The following TGS1 variants were observed in gnomAD, a reference collection of about 807,000 sequenced individuals.
The protein encoded by TGS1 is trimethylguanosine synthase 1.
In TGS1, 69 loss-of-function variants were observed where a neutral mutation model predicts 92.2. The ratio of observed to expected loss-of-function variants is 0.75; its 90% CI spans 0.62 to 0.91. The LOEUF (loss-of-function observed/expected upper bound fraction) is 0.91. TGS1 is among the 40% of genes least tolerant of loss of function. TGS1 has a pLI of 0.00. For synonymous variants in TGS1, 345 were observed against 338.1 expected (o/e 1.02, Z -0.22); for missense variants, 1,062 against 1,001.2 (o/e 1.06, Z -0.82).
intron 7 of TGS1, among the ~76,000 whole-genome samples, chr8:55,796,669 CAA>C (rs1385972165): frequency 6.6e-6 from 1 of 150,520 alleles, no homozygotes; most frequent in Non-Finnish European, 1.5e-5. Context: ...ACTTGGGCAA[CAA>C]GAGCAAAACT....
Position 55,795,672 on chromosome 8 carries a change from CGTTT to C in TGS1, c.1368-289_1368-286del, listed in dbSNP as rs201173930. ...TTCCCTAACAAGGGGATAGGGTTTTCGTTTGTTTGTTTGTTTGTTTTACTATTTA... is the reference window on the plus strand; with the variant it reads ...TTCCCTAACAAGGGGATAGGGTTTTCGTTTGTTTGTTTGTTTTACTATTTA... On this transcript the variant is annotated intron_variant, in intron 6 of 12. Transcript: ENST00000260129. Among the ~76,000 whole-genome samples, 189 of 152,096 alleles carry C rather than the reference CGTTT, an allele frequency of 1.2e-3. 2 individuals are homozygous for C. In the Middle Eastern group the frequency reaches 0.017, roughly 14 times the overall value.
intron 10 of TGS1, among the ~76,000 whole-genome samples, chr8:55,805,796 C>T (rs1211844138): frequency 1.3e-5 from 2 of 150,054 alleles, no homozygotes; most frequent in African/African-American, 2.5e-5. Context: ...GCAGGAGACT[C>T]GCTTGAACCT....
rs779878784 is a variant in TGS1 at position 55,786,398 on chromosome 8, G to T, written c.500G>T (p.Arg167Ile). ...PSSIEQYENT[R>I]TYELQSKKDT... Reference sequence around the variant, plus strand: ...TCAATTGAACAGTATGAGAACACCAGAACATATGAACTTCAAAGCAAAAAA... The same window carrying T: ...TCAATTGAACAGTATGAGAACACCATAACATATGAACTTCAAAGCAAAAAA... Residue 167 changes from arginine (R) to isoleucine (I), a missense_variant, in exon 4 of 13, where the codon AGA becomes ATA. Coordinates refer to ENST00000260129, the MANE Select transcript of TGS1 (RefSeq NM_024831.8). 6 of 1,613,494 alleles carry T rather than the reference G, an allele frequency of 3.7e-6. No homozygotes were observed. The highest frequency in any genetic ancestry group is 5.1e-6 in the Non-Finnish European group (6 of 1,179,916).
At chr8:55,775,300 G>A (rs994852305) in intron 1 of TGS1, among the ~76,000 whole-genome samples, 1 of 151,910 alleles carries the variant, frequency 6.6e-6, no homozygotes, top group Non-Finnish European at 1.5e-5. Context: ...AAGAAGATAG[G>A]GTGTGCACAG....
At chr8:55,806,708 ACTGT>A (rs1812383056) in intron 10 of TGS1, among the ~76,000 whole-genome samples, 1 of 152,164 alleles carries the variant, frequency 6.6e-6, no homozygotes, top group Non-Finnish European at 1.5e-5. Flanking sequence ...ATTATGTCTT[ACTGT>A]CTGTGTTTCA....
At chr8:55,787,856 G>GA (rs1434550911) in intron 4 of TGS1, among the ~76,000 whole-genome samples, 1 of 152,256 alleles carries the variant, frequency 6.6e-6, no homozygotes, top group Non-Finnish European at 1.5e-5. Flanking sequence ...GGCAGAAGGT[G>GA]AAAGGGGCAT....
At chr8:55,775,038 C>T (rs7013442) in intron 1 of TGS1, among the ~76,000 whole-genome samples, 128,293 of 152,054 alleles carry the variant, frequency 0.84, 54,468 homozygotes, top group East Asian at 0.99. Flanking sequence ...TCACTTGAGC[C>T]CGGAAGTTGG....
Position 55,825,874 on chromosome 8 carries a change from C to CTT in TGS1, c.*1184_*1185dup, listed in dbSNP as rs566818508. Among the ~76,000 whole-genome samples, 97 of 142,636 alleles carry CTT rather than the reference C, an allele frequency of 6.8e-4. 1 individual carries two copies. The highest frequency in any genetic ancestry group is 2.2e-3 in the African/African-American group (87 of 39,120). 93.6% of individuals were successfully genotyped at this position (142,636 alleles called of 152,430 possible). On this transcript the variant is annotated 3_prime_UTR_variant, in exon 13 of 13. Transcript: ENST00000260129. ...TGGTTTTTAAACTTTATGTAGCATT[C>CTT]TTTTTTTTTTTTTTAGACAGAGTCT...
chr8:55,787,619 C>G (rs1302333691), intron 4 of TGS1, among the ~76,000 whole-genome samples: 2 of 152,184 alleles, frequency 1.3e-5, no homozygotes, highest in Non-Finnish European at 1.5e-5. Flanking sequence ...ATTGTGCAAA[C>G]TGGTGCCACT....
At chr8:55,796,247 T>A in intron 7 of TGS1, 95 bp downstream of exon 7, 1 of 942,158 alleles carries the variant, frequency 1.1e-6, no homozygotes, top group Non-Finnish European at 1.6e-6. Flanking sequence ...AGCTTGTTTC[T>A]ACCAGGTATC....
Position 55,784,137 on chromosome 8 carries a change from A to G in TGS1, c.166+1325A>G, listed in dbSNP as rs111876228. On this transcript the variant is annotated intron_variant, in intron 2 of 12. Transcript: ENST00000260129. ...GACCATCAAGCTGGAGTGCAGCCCA[A>G]TGCTAATTGAGTGTGCTAATACATA... Among the ~76,000 whole-genome samples, 906 of 152,308 alleles carry G rather than the reference A, an allele frequency of 5.9e-3. 4 individuals carry two copies. Among genetic ancestry groups the G allele is most frequent in the African/African-American group, 0.02 (833 of 41,562 alleles).
At chr8:55,779,621 A>G (rs1811503418) in intron 1 of TGS1, among the ~76,000 whole-genome samples, 2 of 152,218 alleles carry the variant, frequency 1.3e-5, no homozygotes, top group African/African-American at 4.8e-5. Context: ...CCACAGTATG[A>G]TCGGGTACTG....
rs1485334587 is a variant in TGS1 at position 55,793,844 on chromosome 8, C to T, written c.1367+1060C>T. Among the ~76,000 whole-genome samples the T allele has an allele frequency of 2.6e-5, 4 of 151,476 alleles. No individual in the cohort carries two copies. In the South Asian group the frequency reaches 6.3e-4, roughly 24 times the overall value. ...TATTGGCCAGGCTGGTCTCAAACTC[C>T]TGACCTCAGGTGATCCGCCCACCTT... On this transcript the variant is annotated intron_variant, in intron 6 of 12. Coordinates refer to ENST00000260129, the MANE Select transcript of TGS1 (RefSeq NM_024831.8).
Position 55,773,607 on chromosome 8 carries a change from C to G in TGS1, c.-12C>G, listed in dbSNP as rs764151794. 4 of 1,606,044 alleles carry G rather than the reference C, an allele frequency of 2.5e-6. No homozygotes were observed. The highest frequency in any genetic ancestry group is 1.7e-5 in the Admixed American group (1 of 58,854). ...GGGCTGCGTACGTCAGAGCTGCCTC[C>G]GAAGTGGTAAAATGTGCTGCGAGAA... On this transcript the variant is annotated 5_prime_UTR_variant, in exon 1 of 13. Transcript: ENST00000260129.
intron 10 of TGS1, among the ~76,000 whole-genome samples, chr8:55,809,618 G>T (rs1451531866): frequency 1.3e-5 from 2 of 152,084 alleles, no homozygotes; most frequent in Admixed American, 6.5e-5. Context: ...CACCCCACCT[G>T]GCTAATTTTT....
At chr8:55,792,647 A>G (rs1411944888) in intron 5 of TGS1, 51 bp from the exon 6 acceptor site, 1 of 1,267,174 alleles carries the variant, frequency 7.9e-7, no homozygotes, top group Middle Eastern at 1.9e-4. Context: ...TATCTGAACT[A>G]GTGGGCTCTG....
chr8:55,792,699 C>T lies in TGS1; in HGVS notation c.1282C>T (p.His428Tyr). The T allele has an allele frequency of 6.2e-7, 1 of 1,611,736 alleles. No homozygotes were observed. The highest frequency in any genetic ancestry group is 8.5e-7 in the Non-Finnish European group (1 of 1,177,986). ...EHKPSKLKRSHELDIDENPAS... is the reference protein window; with the variant it reads ...EHKPSKLKRSYELDIDENPAS... ...ACTGTTTACCTTTTCTTTATTTAGCCATGAACTGGACATTGATGAAAACCC... is the reference window on the plus strand; with the variant it reads ...ACTGTTTACCTTTTCTTTATTTAGCTATGAACTGGACATTGATGAAAACCC... Residue 428 changes from histidine (H) to tyrosine (Y), a missense_variant and splice_region_variant, in exon 6 of 13, where the codon CAT becomes TAT. His to Tyr is a moderately conservative substitution (Grantham distance 83, BLOSUM62 2). Transcript: ENST00000260129.
In TGS1 at chr8:55,786,087, TTAGA is replaced by T. The variant is rs1811700961; in HGVS notation, c.340-147_340-144del. 18 of 690,460 alleles carry T rather than the reference TTAGA, an allele frequency of 2.6e-5. No homozygotes were observed. In the South Asian group the frequency reaches 3.8e-4, roughly 14 times the overall value. The allele number at this position is 690,460 out of a possible 1,614,324, so 42.8% of individuals were successfully genotyped here. On this transcript the variant is annotated intron_variant, in intron 3 of 12. Transcript: ENST00000260129. ...TGTGACTGTTCCTCCTCTTGGAAAC[TTAGA>T]TAGTATATCACTTGTTTGTGGAGCT...
rs971167934 is a variant in TGS1 at position 55,773,463 on chromosome 8, C to T, written c.-156C>T. 7 of 532,778 alleles carry T rather than the reference C, an allele frequency of 1.3e-5. No homozygotes were observed. The African/African-American group carries it at 1.4e-4, about 11-fold the overall frequency. 33.0% of individuals were successfully genotyped at this position (532,778 alleles called of 1,614,324 possible). ...TCGGAGCCACTTCCGGCGGCAGCGT[C>T]CGGGCTAGTTCCCGGCGCGAGCGGC... On this transcript the variant is annotated 5_prime_UTR_variant, in exon 1 of 13. Transcript: ENST00000260129.
Sources: allele counts gnomAD v4.1 joint callset (sites outside exome capture counted in the v4.1 genomes callset), GRCh38; gene constraint gnomAD v4.1.1; transcripts MANE v1.5; gene names NCBI Gene and HGNC (gene_info 2026-07-23, HGNC 2026-07-21).